The following FBXO36 variants were observed in gnomAD, a reference collection of about 807,000 sequenced individuals.
FBXO36 encodes the protein F-box only protein 36.
In FBXO36, 18 loss-of-function variants were observed where a neutral mutation model predicts 17.0. The observed-to-expected ratio is 1.06, with a 90% CI of 0.73 to 1.57. FBXO36 has a LOEUF of 1.57. Among genes scored for constraint, FBXO36 ranks in the 40% most tolerant of loss-of-function variants. The pLI is 0.00. For synonymous variants in FBXO36, 83 were observed against 85.3 expected, an observed-to-expected ratio of 0.97 and a Z score of 0.15; for missense variants, 229 against 221.9, an observed-to-expected ratio of 1.03 and a Z score of -0.20.
chr2:229,992,220 G>A (rs1158420558), intron 2 of FBXO36, among the ~76,000 whole-genome samples: 1 of 151,436 alleles, frequency 6.6e-6, no homozygotes. Context: ...GTGCAATGGT[G>A]CAGTCTTGGC....
chr2:229,924,718 T>TC (rs2076896849), intron 1 of FBXO36, among the ~76,000 whole-genome samples: 1 of 152,106 alleles, frequency 6.6e-6, no homozygotes, highest in Non-Finnish European at 1.5e-5. Flanking sequence ...TTGGTGTTCT[T>TC]CAGACTTTGC....
At chr2:229,954,542 C>CTTTTTTTTT (rs1176794800) in intron 1 of FBXO36, among the ~76,000 whole-genome samples, 1 of 78,778 alleles carries the variant, frequency 1.3e-5, no homozygotes, top group Non-Finnish European at 2.5e-5. Context: ...TGCACCCGGC[C>CTTTTTTTTT]TTTTTTTTTT....
chr2:229,976,423 C>T, intron 2 of FBXO36, 74 bp downstream of exon 2: 1 of 1,019,160 alleles, frequency 9.8e-7, no homozygotes, highest in South Asian at 1.4e-5. Context: ...AAAGAAGTTT[C>T]AAATATATTT....
chr2:229,965,232 A>G (rs1369552249), intron 1 of FBXO36, among the ~76,000 whole-genome samples: 1 of 144,566 alleles, frequency 6.9e-6, no homozygotes, highest in East Asian at 2.0e-4. Context: ...TTCCCACTTC[A>G]GCCTCCCAAA....
At chr2:229,988,847 T>TTG (rs889702814) in intron 2 of FBXO36, among the ~76,000 whole-genome samples, 20 of 148,504 alleles carry the variant, frequency 1.3e-4, no homozygotes, top group Admixed American at 2.7e-4. Context: ...TTTTTTTGTT[T>TTG]TTTTTTTTTT....
chr2:229,947,534 T>A (rs555101945), intron 1 of FBXO36, among the ~76,000 whole-genome samples: 17 of 152,350 alleles, frequency 1.1e-4, no homozygotes, highest in Admixed American at 8.5e-4. Context: ...GACACCAGCA[T>A]CTTAGTAAGC....
chr2:229,928,760 T>C (rs1264308071), intron 1 of FBXO36, among the ~76,000 whole-genome samples: 1 of 152,150 alleles, frequency 6.6e-6, no homozygotes, highest in South Asian at 2.1e-4. Context: ...AGGAGGATTT[T>C]TGGTGTTTTT....
chr2:229,948,889 A>G (rs140206221), intron 1 of FBXO36, among the ~76,000 whole-genome samples: 2,150 of 152,242 alleles, frequency 0.014, 55 homozygotes, highest in African/African-American at 0.048. Flanking sequence ...GCTGGAGCGC[A>G]GTGGCATGAT....
chr2:229,966,850 A>T (rs935775589), intron 1 of FBXO36, among the ~76,000 whole-genome samples: 4 of 152,170 alleles, frequency 2.6e-5, no homozygotes, highest in African/African-American at 9.6e-5. Context: ...CTTAGGAATG[A>T]CTTGGCAATG....
chr2:229,970,190 T>C lies in FBXO36; in HGVS notation c.97-6051T>C, dbSNP rs184923588. On this transcript the variant is annotated intron_variant, in intron 1 of 3. Transcript: ENST00000283946. Reference sequence around the variant, plus strand: ...TTTATCCCAGAGAAATGCAGACTTATATTCATACGAAAACCTACACACAAA... The same window carrying C: ...TTTATCCCAGAGAAATGCAGACTTACATTCATACGAAAACCTACACACAAA... Among the ~76,000 whole-genome samples the C allele has an allele frequency of 4.4e-3, 677 of 152,256 alleles. 13 individuals are homozygous for C. The highest frequency in any genetic ancestry group is 3.4e-3 in the Middle Eastern group (1 of 294).
chr2:229,975,613 T>G (rs1021628785), intron 1 of FBXO36, among the ~76,000 whole-genome samples: 91 of 151,412 alleles, frequency 6.0e-4, no homozygotes, highest in African/African-American at 1.9e-3. Context: ...TAGTGGGGAC[T>G]ACAGAGCACA....
intron 2 of FBXO36, among the ~76,000 whole-genome samples, chr2:229,980,339 G>C (rs2077231886): frequency 6.6e-6 from 1 of 152,032 alleles, no homozygotes; most frequent in African/African-American, 2.4e-5. Context: ...GGGGATTATA[G>C]ATGTGAGCCA....
At chr2:229,939,421 C>T (rs572839281) in intron 1 of FBXO36, among the ~76,000 whole-genome samples, 1 of 151,254 alleles carries the variant, frequency 6.6e-6, no homozygotes, top group Admixed American at 6.6e-5. Flanking sequence ...CTGGCCAGCA[C>T]GGTGAAACCC....
chr2:229,988,828 G>GTTTTTTTTTTTTTTTTTTTTTTT (rs11321192), intron 2 of FBXO36, among the ~76,000 whole-genome samples: 1 of 129,362 alleles, frequency 7.7e-6, no homozygotes, highest in Non-Finnish European at 1.6e-5. Context: ...ATGCTGGCCT[G>GTTTTTTTTTTTTTTTTTTTTTTT]TTTTTTTTTT....
chr2:229,967,514 T>C (rs1234959505), intron 1 of FBXO36, among the ~76,000 whole-genome samples: 1 of 152,200 alleles, frequency 6.6e-6, no homozygotes, highest in Admixed American at 6.6e-5. Context: ...GGCTGTGGGT[T>C]TGTCATAAAT....
At chr2:229,972,356 G>A (rs2077185205) in intron 1 of FBXO36, among the ~76,000 whole-genome samples, 1 of 152,098 alleles carries the variant, frequency 6.6e-6, no homozygotes, top group Non-Finnish European at 1.5e-5. Flanking sequence ...TACCAGGTCC[G>A]ACTGAAAGCT....
At chr2:229,980,174 G>A (rs796301504) in intron 2 of FBXO36, among the ~76,000 whole-genome samples, 6 of 151,894 alleles carry the variant, frequency 4.0e-5, no homozygotes, top group South Asian at 2.1e-4. Context: ...CAGAGCCCCC[G>A]CCCCTGCCCC....
chr2:230,002,040 G>A (rs1014766415), intron 3 of FBXO36, among the ~76,000 whole-genome samples: 2 of 151,976 alleles, frequency 1.3e-5, no homozygotes, highest in South Asian at 2.1e-4. Flanking sequence ...GTTTTACCAC[G>A]TTGGCCAGGC....
intron 1 of FBXO36, among the ~76,000 whole-genome samples, chr2:229,971,009 A>G (rs1184043858): frequency 6.6e-6 from 1 of 152,106 alleles, no homozygotes; most frequent in Non-Finnish European, 1.5e-5. Flanking sequence ...ACACACAAAA[A>G]TTGTCAGTTC....
Sources: allele counts gnomAD v4.1 joint callset (sites outside exome capture counted in the v4.1 genomes callset), GRCh38; gene constraint gnomAD v4.1.1; transcripts MANE v1.5; gene names NCBI Gene and HGNC (gene_info 2026-07-23, HGNC 2026-07-21).